The following APPL1 variants were observed in gnomAD, a reference collection of about 807,000 sequenced individuals.
APPL1 encodes the protein DCC-interacting protein 13-alpha.
In APPL1, 42 loss-of-function variants were observed where a neutral mutation model predicts 106.8. That is an observed-to-expected ratio of 0.39 (90% CI 0.31 to 0.51). The LOEUF (loss-of-function observed/expected upper bound fraction) is 0.51, where lower values mean the gene tolerates loss of function less well. Among genes scored for constraint, APPL1 ranks in the 20% least tolerant of loss-of-function variants. The probability of loss-of-function intolerance (pLI) is 0.75; values close to 1 mark genes in which losing one functional copy is unlikely to be tolerated. For synonymous variants in APPL1, 263 were observed against 281.8 expected (o/e 0.93, Z 0.67); for missense variants, 769 against 858.2 (o/e 0.90, Z 1.30).
intron 12 of APPL1, among the ~76,000 whole-genome samples, chr3:57,253,094 G>A (rs1213132801): frequency 1.3e-5 from 2 of 152,152 alleles, no homozygotes; most frequent in Admixed American, 6.5e-5. Flanking sequence ...GTTTAGATTA[G>A]TGAGGCTCTT....
At chr3:57,236,330 C>G (rs1215789977) in intron 2 of APPL1, among the ~76,000 whole-genome samples, 1 of 133,830 alleles carries the variant, frequency 7.5e-6, no homozygotes, top group Non-Finnish European at 1.6e-5. Context: ...ACCCAGCCCC[C>G]TTTTTTTTTT....
intron 1 of APPL1, among the ~76,000 whole-genome samples, chr3:57,229,139 G>A (rs1447952549): frequency 2.0e-5 from 3 of 152,196 alleles, no homozygotes; most frequent in Non-Finnish European, 4.4e-5. Flanking sequence ...CTCACATTTG[G>A]TTTATCTTGA....
intron 7 of APPL1, among the ~76,000 whole-genome samples, chr3:57,244,602 A>T (rs768966126): frequency 1.3e-5 from 2 of 152,174 alleles, no homozygotes; most frequent in Non-Finnish European, 2.9e-5. Context: ...GATTAAGAGT[A>T]CTCTGTGACA....
chr3:57,261,976 A>C (rs181619196), intron 19 of APPL1, among the ~76,000 whole-genome samples: 2 of 152,252 alleles, frequency 1.3e-5, no homozygotes, highest in East Asian at 1.9e-4. Flanking sequence ...TAGGGTAAGA[A>C]TGGCTCATTG....
rs2060959539 is a variant in APPL1 at position 57,273,319 on chromosome 3, A to G, written c.*3632A>G. ...GATTTGAAGAACTCGACTTTATGTG[A>G]TCATGGTATTGGTATACATGTGGGG... is the stretch of plus-strand genomic sequence containing the variant. On this transcript the variant is annotated 3_prime_UTR_variant, in exon 22 of 22. Transcript: ENST00000288266. The G allele has an allele frequency of 6.6e-6, 1 of 152,644 alleles. No individual in the cohort carries two copies. The highest frequency in any genetic ancestry group is 2.4e-5 in the African/African-American group (1 of 41,464). The allele number at this position is 152,644 out of a possible 1,614,324, so 9.5% of individuals were successfully genotyped here.
intron 3 of APPL1, 108 bp from the exon 4 acceptor site, chr3:57,237,937 C>A: frequency 1.3e-6 from 1 of 790,876 alleles, no homozygotes. Flanking sequence ...AGAGCTTTTT[C>A]AAAATTTTGG....
intron 10 of APPL1, among the ~76,000 whole-genome samples, chr3:57,249,147 G>A (rs1212320042): frequency 1.3e-5 from 2 of 152,150 alleles, no homozygotes; most frequent in Non-Finnish European, 2.9e-5. Flanking sequence ...ATAATTTCCA[G>A]CCTTGTTTTG....
At chr3:57,250,139 A>C (rs1203374729) in intron 11 of APPL1, among the ~76,000 whole-genome samples, 1 of 152,120 alleles carries the variant, frequency 6.6e-6, no homozygotes, top group Non-Finnish European at 1.5e-5. Flanking sequence ...CCATTTAAAA[A>C]ATTTCTGTTA....
At chr3:57,231,054 A>G (rs539309719) in intron 1 of APPL1, among the ~76,000 whole-genome samples, 1 of 151,686 alleles carries the variant, frequency 6.6e-6, no homozygotes, top group South Asian at 2.1e-4. Context: ...AATTTTTTGT[A>G]GAAGACTGGG....
chr3:57,237,559 A>G lies in APPL1; in HGVS notation c.213+8A>G, dbSNP rs2060723094. 1.3e-6 allele frequency: 2 copies of G among 1,573,678 alleles called. No individual in the cohort carries two copies. The highest frequency in any genetic ancestry group is 1.7e-5 in the Admixed American group (1 of 57,464). On this transcript the variant is annotated splice_region_variant and intron_variant, in intron 3 of 21. Transcript: ENST00000288266. ...AAAGAATATGAAAAACAGGTATTGT[A>G]TATCAAAGTTTTAAAAGCATAATTT...
At chr3:57,262,385 CTTTTTT>C (rs373526618) in intron 19 of APPL1, among the ~76,000 whole-genome samples, 13 of 29,056 alleles carry the variant, frequency 4.5e-4, no homozygotes, top group South Asian at 2.2e-3. Context: ...GGAAAATAAC[CTTTTTT>C]TTTTTTTTTT....
In APPL1 at chr3:57,228,462, G is replaced by T. The variant is rs1394121809; in HGVS notation, c.54+525G>T. Among the ~76,000 whole-genome samples the T allele has an allele frequency of 1.3e-5, 2 of 152,222 alleles. No individual in the cohort carries two copies. The highest frequency in any genetic ancestry group is 2.9e-5 in the Non-Finnish European group (2 of 68,040). On this transcript the variant is annotated intron_variant, in intron 1 of 21. Transcript: ENST00000288266. The surrounding 1 kb of genome is among the most constrained non-coding windows in gnomAD (Gnocchi z 4.6). ...GTGACGGGTCCCGGAGCCCAAGACC[G>T]CTCTCCCCGCCGAATGTGCCCGTGT...
At chr3:57,255,093 C>G (rs1267699241) in intron 13 of APPL1, among the ~76,000 whole-genome samples, 1 of 152,194 alleles carries the variant, frequency 6.6e-6, no homozygotes, top group East Asian at 1.9e-4. Context: ...CAGATGAACC[C>G]TGAAGTGTAG....
At chr3:57,267,839 C>A (rs142005105) in intron 20 of APPL1, 47 bp downstream of exon 20, 1 of 1,597,682 alleles carries the variant, frequency 6.3e-7, no homozygotes, top group Non-Finnish European at 8.6e-7. Flanking sequence ...CACCTGTAAT[C>A]GCAGCACATT....
chr3:57,260,303 C>A, intron 18 of APPL1, 150 bp downstream of exon 18: 1 of 785,340 alleles, frequency 1.3e-6, no homozygotes, highest in Non-Finnish European at 1.9e-6. Context: ...CTATGGCCAT[C>A]TCCAAAAAGT....
intron 2 of APPL1, among the ~76,000 whole-genome samples, chr3:57,236,273 A>AGAT (rs2060716000): frequency 6.7e-6 from 1 of 148,400 alleles, no homozygotes; most frequent in Non-Finnish European, 1.5e-5. Context: ...CGAACTCCCG[A>AGAT]CCTCAGGTGA....
At chr3:57,250,830 C>T (rs1379391148) in intron 11 of APPL1, among the ~76,000 whole-genome samples, 1 of 110,176 alleles carries the variant, frequency 9.1e-6, no homozygotes, top group African/African-American at 3.2e-5. Flanking sequence ...TTTTTTGAGA[C>T]GGAGTCTCGC....
chr3:57,252,881 A>G lies in APPL1; in HGVS notation c.1095+570A>G, dbSNP rs966251603. 5.3e-5 allele frequency among the ~76,000 whole-genome samples: 8 copies of G among 152,212 alleles called. No individual in the cohort carries two copies. In the South Asian group the frequency reaches 8.3e-4, roughly 16 times the overall value. ...CCTTTATCTTGAGAAACATTCTTCC[A>G]TGAAAATGTATCTTAGCTTGATTTT... On this transcript the variant is annotated intron_variant, in intron 12 of 21. Transcript: ENST00000288266.
At chr3:57,266,365 T>A (rs549364590) in intron 19 of APPL1, among the ~76,000 whole-genome samples, 1 of 152,268 alleles carries the variant, frequency 6.6e-6, no homozygotes, top group African/African-American at 2.4e-5. Context: ...ATGGTTTGGA[T>A]CTTGTTACTT....
Sources: allele counts gnomAD v4.1 joint callset (sites outside exome capture counted in the v4.1 genomes callset), GRCh38; gene constraint gnomAD v4.1.1; non-coding constraint Gnocchi (gnomAD v3.1); transcripts MANE v1.5; gene names NCBI Gene and HGNC (gene_info 2026-07-23, HGNC 2026-07-21).